NOL4L: variants seen among roughly 807,000 people sequenced by gnomAD.
NOL4L encodes the protein nucleolar protein 4 like.
Under a neutral mutation model 64.5 loss-of-function variants are expected in NOL4L, and 7 were observed. The ratio of observed to expected loss-of-function variants is 0.11; its 90% CI spans 0.06 to 0.20. The LOEUF is 0.20. Among genes scored for constraint, NOL4L ranks in the 10% least tolerant of loss-of-function variants. The probability of loss-of-function intolerance (pLI) is 1.00; values close to 1 mark genes in which losing one functional copy is unlikely to be tolerated. For synonymous variants in NOL4L, 413 were observed against 401.0 expected (o/e 1.03, Z -0.36); for missense variants, 680 against 967.1 (o/e 0.70, Z 3.94).
At chr20:32,452,143 G>C (rs2012976923) in intron 10 of NOL4L, 93 bp downstream of exon 10, 1 of 1,182,054 alleles carries the variant, frequency 8.5e-7, no homozygotes, top group Non-Finnish European at 1.1e-6. Context: ...ACTGGCCTCT[G>C]CTTCCCTCTC....
chr20:32,458,730 C>T (rs1437404219), intron 5 of NOL4L, among the ~76,000 whole-genome samples: 1 of 152,256 alleles, frequency 6.6e-6, no homozygotes, highest in African/African-American at 2.4e-5. Context: ...CAGTGGGCAT[C>T]GTGCCTGGCA....
intron 3 of NOL4L, among the ~76,000 whole-genome samples, chr20:32,516,185 G>A (rs1196289001): frequency 6.6e-6 from 1 of 152,052 alleles, no homozygotes; most frequent in East Asian, 1.9e-4. Flanking sequence ...ATGTGTGCAC[G>A]ATGGGGGCCT....
chr20:32,532,167 A>T, intron 1 of NOL4L: 1 of 160,010 alleles, frequency 6.2e-6, no homozygotes, highest in Non-Finnish European at 1.3e-5. Flanking sequence ...GTTTTCAGTT[A>T]GTTCCTTCTT....
intron 1 of NOL4L, among the ~76,000 whole-genome samples, chr20:32,582,597 C>T (rs1055217963): frequency 2.0e-5 from 3 of 152,016 alleles, no homozygotes; most frequent in Non-Finnish European, 4.4e-5. Flanking sequence ...GGGTCACCCC[C>T]CAACTCCAGG....
intron 1 of NOL4L, among the ~76,000 whole-genome samples, chr20:32,545,969 GAC>G (rs2018727299): frequency 7.1e-6 from 1 of 141,430 alleles, no homozygotes; most frequent in African/African-American, 2.7e-5. Flanking sequence ...TTTTTTTGGA[GAC>G]AGAGTCTTGC....
intron 4 of NOL4L, among the ~76,000 whole-genome samples, chr20:32,502,009 TAGAG>T (rs1349696729): frequency 1.3e-5 from 2 of 152,274 alleles, no homozygotes; most frequent in East Asian, 3.9e-4. Flanking sequence ...TTTATCTAAA[TAGAG>T]AGGTATAGAT....
intron 4 of NOL4L, among the ~76,000 whole-genome samples, chr20:32,504,404 C>CA (rs1240824737): frequency 6.6e-6 from 1 of 151,766 alleles, no homozygotes; most frequent in Non-Finnish European, 1.5e-5. Context: ...AATAAAAATA[C>CA]AAAAAATTAG....
chr20:32,500,944 G>A (rs1403506682), intron 4 of NOL4L, among the ~76,000 whole-genome samples: 1 of 152,174 alleles, frequency 6.6e-6, no homozygotes, highest in Non-Finnish European at 1.5e-5. Flanking sequence ...ATAAGTGGGG[G>A]AGGAGAAACA....
intron 1 of NOL4L, among the ~76,000 whole-genome samples, chr20:32,573,294 G>A (rs1180351377): frequency 6.6e-6 from 1 of 152,186 alleles, no homozygotes; most frequent in African/African-American, 2.4e-5. Context: ...TGGGATTACA[G>A]GCATGAAATA....
intron 1 of NOL4L, among the ~76,000 whole-genome samples, chr20:32,580,010 G>A (rs906700524): frequency 2.6e-5 from 4 of 152,196 alleles, no homozygotes; most frequent in Non-Finnish European, 5.9e-5. Flanking sequence ...CTCTTGACCA[G>A]AGGGATGCTT....
intron 3 of NOL4L, among the ~76,000 whole-genome samples, chr20:32,516,104 C>T (rs779450121): frequency 2.0e-5 from 3 of 152,106 alleles, no homozygotes; most frequent in African/African-American, 7.2e-5. Flanking sequence ...AAGCTTTCAC[C>T]TACAGCACGA....
intron 1 of NOL4L, among the ~76,000 whole-genome samples, chr20:32,581,803 G>T (rs116974108): frequency 0.031 from 4,645 of 152,200 alleles, 98 homozygotes; most frequent in Non-Finnish European, 0.047. Flanking sequence ...TTTTGACAAA[G>T]GTTTATGGCC....
chr20:32,544,529 T>C (rs1384146872), intron 1 of NOL4L, among the ~76,000 whole-genome samples: 1 of 152,014 alleles, frequency 6.6e-6, no homozygotes, highest in African/African-American at 2.4e-5. Flanking sequence ...GAAAAGACCA[T>C]GCTGAGATTT....
At chr20:32,557,792 C>CG (rs977571967) in intron 1 of NOL4L, among the ~76,000 whole-genome samples, 6 of 152,192 alleles carry the variant, frequency 3.9e-5, no homozygotes, top group Non-Finnish European at 7.3e-5. Flanking sequence ...CAGCCAGGCG[C>CG]GGTGGCTCAT....
chr20:32,553,999 A>G (rs992384359), intron 1 of NOL4L, among the ~76,000 whole-genome samples: 1 of 152,198 alleles, frequency 6.6e-6, no homozygotes, highest in African/African-American at 2.4e-5. Flanking sequence ...CTGACCCTAC[A>G]ATAAACCATT....
intron 1 of NOL4L, among the ~76,000 whole-genome samples, chr20:32,566,900 T>A (rs1343522477): frequency 6.6e-6 from 1 of 152,194 alleles, no homozygotes; most frequent in Non-Finnish European, 1.5e-5. Flanking sequence ...AGGGATTTTG[T>A]TTATGCCTCC....
chr20:32,575,518 G>A (rs771348218), intron 1 of NOL4L, among the ~76,000 whole-genome samples: 9 of 152,200 alleles, frequency 5.9e-5, no homozygotes, highest in South Asian at 4.1e-4. Context: ...GTGGGAGGGT[G>A]GGTCTGCGCC....
chr20:32,506,417 T>G (rs1313931539), intron 4 of NOL4L, among the ~76,000 whole-genome samples: 1 of 151,934 alleles, frequency 6.6e-6, no homozygotes, highest in Non-Finnish European at 1.5e-5. Flanking sequence ...ATCCCAGCAC[T>G]TTGGGAGGCC....
intron 1 of NOL4L, among the ~76,000 whole-genome samples, chr20:32,574,235 G>C (rs1979944562): frequency 6.6e-6 from 1 of 152,188 alleles, no homozygotes; most frequent in African/African-American, 2.4e-5. Flanking sequence ...CTGTTGCCCG[G>C]GGAGACCCCT....
Sources: allele counts gnomAD v4.1 joint callset (sites outside exome capture counted in the v4.1 genomes callset), GRCh38; gene constraint gnomAD v4.1.1; transcripts MANE v1.5; gene names NCBI Gene and HGNC (gene_info 2026-07-23, HGNC 2026-07-21).